Variants in ZNF236 observed in about 807,000 individuals in gnomAD.
ZNF236 encodes regulated by glucose.
ZNF236 carries 50 observed loss-of-function variants against 191.2 expected under a neutral mutation model. That is an observed-to-expected ratio of 0.26 (90% CI 0.21 to 0.33). The LOEUF is 0.33. Among genes scored for constraint, ZNF236 ranks in the 10% least tolerant of loss-of-function variants. The pLI is 1.00. For synonymous variants in ZNF236, 907 were observed against 928.8 expected (o/e 0.98, Z 0.43); for missense variants, 1,754 against 2,374.5 (o/e 0.74, Z 5.43).
At chr18:76,933,297 C>T (rs555869759) in intron 25 of ZNF236, among the ~76,000 whole-genome samples, 5 of 152,062 alleles carry the variant, frequency 3.3e-5, no homozygotes, top group African/African-American at 1.2e-4. Flanking sequence ...GGTGAAACCC[C>T]GTCTCCATTA....
At chr18:76,837,437 C>CTTTTTCTTTTTT in intron 1 of ZNF236, among the ~76,000 whole-genome samples, 1 of 105,852 alleles carries the variant, frequency 9.4e-6, no homozygotes, top group Non-Finnish European at 1.9e-5. Context: ...TTTTCTTTTT[C>CTTTTTCTTTTTT]TTTTTTTTTT....
rs1219603286 is a variant in ZNF236, at chr18:76,956,151, G to A, written c.5081G>A (p.Arg1694Lys). The A allele has an allele frequency of 1.3e-6, 2 of 1,561,490 alleles. No individual in the cohort carries two copies. The highest frequency in any genetic ancestry group is 1.7e-6 in the Non-Finnish European group (2 of 1,154,334). The change falls in exon 28 of 31, where the codon AGG becomes AAG. Residue 1694 changes from arginine (R) to lysine (K), a missense_variant. This residue lies in a region of ZNF236 where 606 missense variants were observed against 761.5 expected (regional missense o/e 0.80). Coordinates refer to ENST00000320610, the MANE Select transcript of ZNF236 (RefSeq NM_001306089.2). ...RERIHGCPVC[R>K]KAFKRATHLK... ...CGCATCCACGGCTGCCCCGTGTGCA[G>A]GAAGGCCTTCAAGCGCGCCACGCAC...
chr18:76,889,012 C>G (rs1977147875), intron 9 of ZNF236, among the ~76,000 whole-genome samples: 1 of 152,200 alleles, frequency 6.6e-6, no homozygotes, highest in Admixed American at 6.5e-5. Context: ...AAACTTTCTG[C>G]AGCATGTAAG....
Position 76,971,232 on chromosome 18 carries a change from G to A in ZNF236, c.*2893G>A, listed in dbSNP as rs1968904721. Among the ~76,000 whole-genome samples, 1 of 152,220 alleles carries A rather than the reference G, an allele frequency of 6.6e-6. No homozygotes were observed. The highest frequency in any genetic ancestry group is 6.5e-5 in the Admixed American group (1 of 15,284). ...GCTGCGTTTCCATAGAATGGCAATA[G>A]ATGAAAATGAAGACATGTTTTCAAA... On this transcript the variant is annotated 3_prime_UTR_variant, in exon 31 of 31. Coordinates refer to ENST00000320610, the MANE Select transcript of ZNF236 (RefSeq NM_001306089.2).
chr18:76,906,830 T>C (rs1338030927), intron 13 of ZNF236, among the ~76,000 whole-genome samples: 1 of 152,236 alleles, frequency 6.6e-6, no homozygotes, highest in East Asian at 1.9e-4. Flanking sequence ...ACAGATTGTG[T>C]GCACTTGGAA....
chr18:76,899,341 A>G lies in ZNF236; in HGVS notation c.1894+119A>G, dbSNP rs140230737. ...TAAATAGTTTTTTAGGCATAGTATT[A>G]ATGAAGTCTGTGTTAAGCCTTGTTT... On this transcript the variant is annotated intron_variant, in intron 11 of 30. Coordinates refer to ENST00000320610, the MANE Select transcript of ZNF236 (RefSeq NM_001306089.2). 1.5e-4 allele frequency: 131 copies of G among 867,218 alleles called. 2 individuals carry two copies. In the African/African-American group the frequency reaches 2.0e-3, roughly 13 times the overall value. The allele number at this position is 867,218 out of a possible 1,614,324, so 53.7% of individuals were successfully genotyped here. A position where few individuals can be genotyped will look rare whatever the true frequency, so the allele number is the denominator to read the frequency against.
intron 27 of ZNF236, among the ~76,000 whole-genome samples, chr18:76,949,975 TA>T (rs1482764675): frequency 2.2e-5 from 3 of 135,902 alleles, no homozygotes; most frequent in African/African-American, 8.2e-5. Flanking sequence ...GTTTTTTTTT[TA>T]AATGTACATA....
chr18:76,834,565 G>T, intron 1 of ZNF236: 1 of 485,438 alleles, frequency 2.1e-6, no homozygotes, highest in Non-Finnish European at 4.0e-6. Context: ...CACCTTGCTG[G>T]GGTGAATGCC....
At chr18:76,895,324 C>G in intron 10 of ZNF236, 39 bp downstream of exon 10, 9 of 1,591,960 alleles carry the variant, frequency 5.7e-6, no homozygotes, top group Non-Finnish European at 7.7e-6. Context: ...GCACTGGCCA[C>G]GGGGGCCACA....
chr18:76,969,061 T>C lies in ZNF236; in HGVS notation c.*722T>C, dbSNP rs748032777. ...TGGCGACACACTTACCGCATCAATC[T>C]GTGTTCAGGTCCAGGGTTACATAAT... is the stretch of plus-strand genomic sequence containing the variant. On this transcript the variant is annotated 3_prime_UTR_variant, in exon 31 of 31. Transcript: ENST00000320610. 59 of 815,294 alleles carry C rather than the reference T, an allele frequency of 7.2e-5. No individual in the cohort carries two copies. The highest frequency in any genetic ancestry group is 8.6e-5 in the Non-Finnish European group (58 of 674,106). 50.5% of individuals were successfully genotyped at this position (815,294 alleles called of 1,614,324 possible).
chr18:76,829,667 A>G (rs751542234), intron 1 of ZNF236, among the ~76,000 whole-genome samples: 18 of 152,154 alleles, frequency 1.2e-4, no homozygotes, highest in Non-Finnish European at 2.1e-4. Flanking sequence ...GTGTATATTT[A>G]TTTGAAACCT....
chr18:76,968,515 G>A lies in ZNF236; in HGVS notation c.*176G>A. On this transcript the variant is annotated 3_prime_UTR_variant, in exon 31 of 31. Coordinates refer to ENST00000320610, the MANE Select transcript of ZNF236 (RefSeq NM_001306089.2). ...AGAGACTCATAGGAAAAAAAAACTA[G>A]GAAAAGTGTCACCGCATTGTTCTCT... 6 of 1,380,016 alleles carry A rather than the reference G, an allele frequency of 4.3e-6. No individual in the cohort carries two copies. The highest frequency in any genetic ancestry group is 2.9e-5 in the East Asian group (1 of 33,988). The allele number at this position is 1,380,016 out of a possible 1,614,324, so 85.5% of individuals were successfully genotyped here.
chr18:76,837,672 T>A (rs1975377264), intron 1 of ZNF236, among the ~76,000 whole-genome samples: 1 of 151,958 alleles, frequency 6.6e-6, no homozygotes, highest in African/African-American at 2.4e-5. Flanking sequence ...GAACTCCTAA[T>A]GTCAGTCAAT....
intron 22 of ZNF236, 53 bp from the exon 23 acceptor site, chr18:76,926,984 T>G (rs1042532282): frequency 6.4e-7 from 1 of 1,563,406 alleles, no homozygotes; most frequent in African/African-American, 1.4e-5. Context: ...ATTACTTTAG[T>G]TTTAAGAAGC....
intron 3 of ZNF236, among the ~76,000 whole-genome samples, chr18:76,859,748 T>G (rs966504698): frequency 1.3e-5 from 2 of 152,198 alleles, no homozygotes; most frequent in Non-Finnish European, 2.9e-5. Flanking sequence ...TTCCTGGGCC[T>G]CCTCATAAGC....
At chr18:76,910,257 A>C in intron 15 of ZNF236, 88 bp downstream of exon 15, 1 of 1,161,946 alleles carries the variant, frequency 8.6e-7, no homozygotes, top group East Asian at 2.5e-5. Context: ...TTTTCTCTTA[A>C]GGCCCTTCTA....
intron 11 of ZNF236, among the ~76,000 whole-genome samples, chr18:76,903,408 G>T (rs1490569753): frequency 6.6e-6 from 1 of 152,256 alleles, no homozygotes. Flanking sequence ...GCTGGGAGAA[G>T]TGGGCTTTAG....
chr18:76,965,384 G>A (rs967929523), intron 30 of ZNF236, among the ~76,000 whole-genome samples: 2 of 152,094 alleles, frequency 1.3e-5, no homozygotes, highest in African/African-American at 4.8e-5. Flanking sequence ...TTCTTTTTCA[G>A]GTAAATCAGG....
intron 25 of ZNF236, among the ~76,000 whole-genome samples, chr18:76,934,856 C>T (rs1387670759): frequency 6.6e-6 from 1 of 152,186 alleles, no homozygotes; most frequent in Non-Finnish European, 1.5e-5. Flanking sequence ...ATTTTTAGAA[C>T]CTTACAAAAT....
Sources: allele counts gnomAD v4.1 joint callset (sites outside exome capture counted in the v4.1 genomes callset), GRCh38; gene constraint gnomAD v4.1.1; regional missense constraint gnomAD v4.1.1; transcripts MANE v1.5; gene names NCBI Gene and HGNC (gene_info 2026-07-23, HGNC 2026-07-21).